The following RASSF8 variants were observed in gnomAD, a reference collection of about 807,000 sequenced individuals.
RASSF8 encodes the protein Ras association domain family member 8, also known as ras association domain-containing protein 8.
In RASSF8, 22 loss-of-function variants were observed where a neutral mutation model predicts 48.5. That is an observed-to-expected ratio of 0.45 (90% confidence interval 0.32 to 0.65). RASSF8 has a LOEUF of 0.65. RASSF8 is among the 30% of genes least tolerant of loss of function. The pLI, the probability that RASSF8 is intolerant of heterozygous loss-of-function variation, is 0.03. For missense variants in RASSF8, 418 were observed against 489.2 expected (o/e 0.85, Z 1.37); for synonymous variants, 127 against 171.5 (o/e 0.74, Z 2.03).
In RASSF8 at chr12:26,068,894, A is replaced by C. The variant is rs1194306490; in HGVS notation, c.*76A>C. 2 of 1,513,042 alleles carry C rather than the reference A, an allele frequency of 1.3e-6. No homozygotes were observed. The highest frequency in any genetic ancestry group is 1.8e-6 in the Non-Finnish European group (2 of 1,134,536). The allele number at this position is 1,513,042 out of a possible 1,614,324, so 93.7% of individuals were successfully genotyped here. ...ACTTCCTTTTTGATTTGTGCCAATG[A>C]TGAACAGAGGATCTATTCCACAAGA... On this transcript the variant is annotated 3_prime_UTR_variant, in exon 6 of 6. Coordinates refer to ENST00000689635, the MANE Select transcript of RASSF8 (RefSeq NM_001394098.1).
intron 2 of RASSF8, among the ~76,000 whole-genome samples, chr12:26,025,620 CA>C (rs1420030104): frequency 6.7e-6 from 1 of 149,476 alleles, no homozygotes; most frequent in Non-Finnish European, 1.5e-5. Context: ...ACTCTGTTTG[CA>C]GAGAATACTA....
At chr12:26,027,962 A>G (rs73079027) in intron 2 of RASSF8, among the ~76,000 whole-genome samples, 15,289 of 152,184 alleles carry the variant, frequency 0.1, 813 homozygotes, top group Middle Eastern at 0.17. Context: ...GAGGAACGTC[A>G]GCTGTGCAGA....
At chr12:25,963,959 C>T (rs1312984876) in intron 1 of RASSF8, among the ~76,000 whole-genome samples, 2 of 152,146 alleles carry the variant, frequency 1.3e-5, no homozygotes, top group African/African-American at 2.4e-5. Context: ...AGAGAGATGC[C>T]CCTGCAAGCC....
At chr12:25,999,709 GATA>G (rs1942211976) in intron 2 of RASSF8, among the ~76,000 whole-genome samples, 2 of 152,186 alleles carry the variant, frequency 1.3e-5, no homozygotes, top group African/African-American at 4.8e-5. Context: ...ATTATTTGCA[GATA>G]ATAAAAAGTT....
At chr12:25,997,888 T>G (rs1330803055) in intron 2 of RASSF8, among the ~76,000 whole-genome samples, 3 of 152,210 alleles carry the variant, frequency 2.0e-5, no homozygotes, top group African/African-American at 7.2e-5. Context: ...TTCAGTGCTT[T>G]GAAACTTCCC....
intron 2 of RASSF8, among the ~76,000 whole-genome samples, chr12:26,038,701 T>C (rs1268652174): frequency 6.6e-6 from 1 of 151,866 alleles, no homozygotes; most frequent in Admixed American, 6.6e-5. Context: ...CCAACAGATA[T>C]AAGTAGTGCT....
At chr12:25,966,379 A>G (rs908292457) in intron 1 of RASSF8, among the ~76,000 whole-genome samples, 4 of 152,106 alleles carry the variant, frequency 2.6e-5, no homozygotes, top group Non-Finnish European at 4.4e-5. Flanking sequence ...GTTTTTTAAA[A>G]TATTTTATTT....
intron 2 of RASSF8, among the ~76,000 whole-genome samples, chr12:26,005,083 G>A (rs1942355761): frequency 6.6e-6 from 1 of 152,024 alleles, no homozygotes; most frequent in African/African-American, 2.4e-5. Context: ...ATCCTCATTA[G>A]CAGTTTCTTG....
At chr12:25,964,818 A>G (rs1941318689) in intron 1 of RASSF8, among the ~76,000 whole-genome samples, 1 of 152,234 alleles carries the variant, frequency 6.6e-6, no homozygotes, top group Non-Finnish European at 1.5e-5. Flanking sequence ...GTTCATTTCT[A>G]TGGGAAGTTC....
rs1310260199 is a variant in RASSF8, at chr12:26,070,487, A to G, written c.*1669A>G. On this transcript the variant is annotated 3_prime_UTR_variant, in exon 6 of 6. Coordinates refer to ENST00000689635, the MANE Select transcript of RASSF8 (RefSeq NM_001394098.1). The stretch of plus-strand genomic sequence containing the variant: ...TTTCTTTGGGTTCTTGGAGTTATCA[A>G]ATTGATCTTGCCATTATGTTACTTT... 5.2e-5 allele frequency: 51 copies of G among 985,034 alleles called. No individual in the cohort carries two copies. Among genetic ancestry groups the G allele is most frequent in the Admixed American group, 6.1e-5 (1 of 16,262 alleles). The allele number at this position is 985,034 out of a possible 1,614,324, so 61.0% of individuals were successfully genotyped here.
At chr12:25,962,353 C>T (rs962325317) in intron 1 of RASSF8, among the ~76,000 whole-genome samples, 16 of 152,158 alleles carry the variant, frequency 1.1e-4, no homozygotes, top group African/African-American at 3.9e-4. Context: ...TCTGACAAGC[C>T]CACCCTTATC....
intron 1 of RASSF8, among the ~76,000 whole-genome samples, chr12:25,975,453 G>T (rs149650976): frequency 2.0e-5 from 3 of 152,330 alleles, no homozygotes; most frequent in Non-Finnish European, 4.4e-5. Context: ...GACATATTCA[G>T]ATTTTAGATT....
In RASSF8 at chr12:26,072,137, T is replaced by C. The variant is rs1467331879; in HGVS notation, c.*3319T>C. The C allele has an allele frequency of 3.0e-6, 3 of 984,294 alleles. No individual in the cohort carries two copies. Among genetic ancestry groups the C allele is most frequent in the Non-Finnish European group, 3.6e-6 (3 of 828,978 alleles). The allele number at this position is 984,294 out of a possible 1,614,324, so 61.0% of individuals were successfully genotyped here. On this transcript the variant is annotated 3_prime_UTR_variant, in exon 6 of 6. Transcript: ENST00000689635. Reference sequence around the variant, plus strand: ...GCCTTTGATAAATTTGGCCTTAATTTATATAACGATGCTGTGTTCACATCC... The same window carrying C: ...GCCTTTGATAAATTTGGCCTTAATTCATATAACGATGCTGTGTTCACATCC...
chr12:26,024,469 G>A (rs999566528), intron 2 of RASSF8, among the ~76,000 whole-genome samples: 1 of 152,038 alleles, frequency 6.6e-6, no homozygotes, highest in East Asian at 1.9e-4. Context: ...CTCATTCTGC[G>A]AGGCCAGAAT....
chr12:26,005,248 A>G (rs1407596354), intron 2 of RASSF8, among the ~76,000 whole-genome samples: 4 of 152,076 alleles, frequency 2.6e-5, no homozygotes, highest in African/African-American at 9.7e-5. Context: ...TTGCCAGATT[A>G]ATCTTAAAGG....
chr12:25,959,905 A>G (rs1941189535), intron 1 of RASSF8: 1 of 152,228 alleles, frequency 6.6e-6, no homozygotes. Flanking sequence ...CATCTTGAAC[A>G]GTGCAACGTA....
chr12:26,028,501 A>G (rs955395997), intron 2 of RASSF8, among the ~76,000 whole-genome samples: 1 of 151,978 alleles, frequency 6.6e-6, no homozygotes, highest in Non-Finnish European at 1.5e-5. Flanking sequence ...GAAGGTTGTA[A>G]TTTCTTGGTA....
At chr12:26,078,906 A>C in intron 5 of RASSF8, 1 of 733,592 alleles carries the variant, frequency 1.4e-6, no homozygotes, top group South Asian at 3.6e-5. Flanking sequence ...TCAAAAAAAA[A>C]GGCGCTAACC....
Position 26,065,303 on chromosome 12 carries a change from C to A in RASSF8, c.909C>A (p.Asp303Glu). ...GKIGKVKGEI[D>E]IQGQQSLRLE... ...TCGGTAAGGTCAAAGGGGAGATTGA[C>A]ATTCAAGGCCAGCAGAGTCTGAGGT... The change falls in exon 4 of 6, where the codon GAC (aspartate) becomes GAA (glutamate). Residue 303 changes from aspartate to glutamate, a missense_variant. Coordinates refer to ENST00000689635, the MANE Select transcript of RASSF8 (RefSeq NM_001394098.1). The A allele has an allele frequency of 6.2e-7, 1 of 1,614,138 alleles. No homozygotes were observed. Among genetic ancestry groups the A allele is most frequent in the Non-Finnish European group, 8.5e-7 (1 of 1,180,002 alleles).
Sources: allele counts gnomAD v4.1 joint callset (sites outside exome capture counted in the v4.1 genomes callset), GRCh38; gene constraint gnomAD v4.1.1; transcripts MANE v1.5; gene names NCBI Gene and HGNC (gene_info 2026-07-23, HGNC 2026-07-21).